Variants in GNAT3 observed in about 807,000 individuals in gnomAD.
GNAT3 encodes the protein G protein subunit alpha transducin 3.
GNAT3 carries 31 observed loss-of-function variants against 37.7 expected under a neutral mutation model. The observed-to-expected ratio is 0.82, with a 90% CI of 0.62 to 1.11. The LOEUF is 1.11. GNAT3 is among the 50% of genes most tolerant of loss of function. GNAT3 has a pLI of 0.00. For missense variants in GNAT3, 437 were observed against 412.5 expected, an observed-to-expected ratio of 1.06 and a Z score of -0.51; for synonymous variants, 138 against 139.8, an observed-to-expected ratio of 0.99 and a Z score of 0.09.
chr7:80,486,087 T>C (rs1790473340), intron 3 of GNAT3, among the ~76,000 whole-genome samples: 1 of 152,214 alleles, frequency 6.6e-6, no homozygotes, highest in Admixed American at 6.5e-5. Context: ...GTAGGTAGTG[T>C]TTAGCAATCA....
chr7:80,493,542 C>T (rs1249298804), intron 2 of GNAT3, among the ~76,000 whole-genome samples: 2 of 152,176 alleles, frequency 1.3e-5, no homozygotes, highest in African/African-American at 2.4e-5. Context: ...GAACAAGATC[C>T]TTTAACATAT....
chr7:80,458,996 T>C (rs2074675), intron 7 of GNAT3, 135 bp from the exon 8 acceptor site: 189,758 of 613,190 alleles, frequency 0.31, 32,793 homozygotes, highest in East Asian at 0.63. Flanking sequence ...CAACGGTCAA[T>C]TATCAGGGTG....
intron 1 of GNAT3, among the ~76,000 whole-genome samples, chr7:80,502,432 C>T (rs933140603): frequency 1.3e-5 from 2 of 151,908 alleles, no homozygotes; most frequent in Admixed American, 6.6e-5. Flanking sequence ...TGATTTTTCC[C>T]ACACAGGTCT....
intron 1 of GNAT3, among the ~76,000 whole-genome samples, chr7:80,505,632 C>T (rs540911533): frequency 2.6e-5 from 4 of 152,272 alleles, no homozygotes; most frequent in African/African-American, 7.2e-5. Flanking sequence ...TCCCAAAGTG[C>T]TGGGATTACA....
chr7:80,482,411 T>C (rs566032795), intron 3 of GNAT3, among the ~76,000 whole-genome samples: 70 of 152,292 alleles, frequency 4.6e-4, no homozygotes, highest in African/African-American at 1.5e-3. Context: ...CTTGTCAGCA[T>C]AGCTTTACAA....
chr7:80,471,316 C>T (rs1198078595), intron 5 of GNAT3, among the ~76,000 whole-genome samples: 2 of 151,586 alleles, frequency 1.3e-5, no homozygotes, highest in Non-Finnish European at 2.9e-5. Flanking sequence ...CCTTTGGTAA[C>T]ACCCTCAGAG....
At chr7:80,463,552 G>A (rs1417821424) in intron 5 of GNAT3, among the ~76,000 whole-genome samples, 1 of 151,764 alleles carries the variant, frequency 6.6e-6, no homozygotes, top group East Asian at 1.9e-4. Context: ...CTCCTGGAGC[G>A]TCCATTTAAA....
intron 3 of GNAT3, among the ~76,000 whole-genome samples, chr7:80,483,467 G>A (rs769302680): frequency 4.0e-5 from 6 of 151,566 alleles, no homozygotes; most frequent in Non-Finnish European, 8.8e-5. Flanking sequence ...TCCTCATAAC[G>A]GCCAAACTGA....
intron 5 of GNAT3, among the ~76,000 whole-genome samples, chr7:80,463,418 G>T (rs1467168708): frequency 6.6e-6 from 1 of 152,062 alleles, no homozygotes; most frequent in African/African-American, 2.4e-5. Flanking sequence ...AATGTTTGCT[G>T]CCTCAGGGCT....
rs756020945 is a variant in GNAT3, at chr7:80,511,843, C to T, written c.84G>A (p.Glu28=). The stretch of plus-strand genomic sequence containing the variant: ...GCAGCTTTACGGTTCTTGCATCTCG[C>T]TCAGCATCCTCCTGAAGCTTTTTCT... ...ELEKKLQEDA[E]RDARTVKLLL... Residue 28 remains glutamate (E), a synonymous_variant, in exon 1 of 8, where the codon GAG becomes GAA. Transcript: ENST00000398291. 1 of 1,612,010 alleles carries T rather than the reference C, an allele frequency of 6.2e-7. No homozygotes were observed. The highest frequency in any genetic ancestry group is 1.7e-5 in the Admixed American group (1 of 59,780).
At chr7:80,488,933 T>A (rs1584185457) in intron 2 of GNAT3, among the ~76,000 whole-genome samples, 3 of 152,160 alleles carry the variant, frequency 2.0e-5, no homozygotes, top group African/African-American at 7.2e-5. Flanking sequence ...AATACTTTTT[T>A]AAAATGGGTA....
At chr7:80,493,156 G>T (rs924709232) in intron 2 of GNAT3, among the ~76,000 whole-genome samples, 1 of 151,732 alleles carries the variant, frequency 6.6e-6, no homozygotes, top group Admixed American at 6.6e-5. Context: ...CCAAATAATT[G>T]GTCTTTTTTT....
At chr7:80,497,650 G>A (rs562164496) in intron 1 of GNAT3, among the ~76,000 whole-genome samples, 2 of 107,540 alleles carry the variant, frequency 1.9e-5, no homozygotes, top group African/African-American at 4.9e-5. Context: ...ATACATATAC[G>A]TATATACATA....
chr7:80,467,995 T>A (rs1790153382), intron 5 of GNAT3, among the ~76,000 whole-genome samples: 2 of 152,014 alleles, frequency 1.3e-5, no homozygotes, highest in African/African-American at 2.4e-5. Context: ...AGTCTGACAC[T>A]TGATGGACTT....
chr7:80,479,888 C>T (rs1790364540), intron 3 of GNAT3, among the ~76,000 whole-genome samples: 1 of 151,976 alleles, frequency 6.6e-6, no homozygotes, highest in Non-Finnish European at 1.5e-5. Context: ...TCCCTGTAGG[C>T]ATTGTTGATT....
intron 1 of GNAT3, among the ~76,000 whole-genome samples, chr7:80,501,481 TATTA>T (rs1790833564): frequency 6.6e-6 from 1 of 152,026 alleles, no homozygotes; most frequent in South Asian, 2.1e-4. Context: ...AGAAAATTTA[TATTA>T]ATTCTAAATG....
intron 7 of GNAT3, among the ~76,000 whole-genome samples, chr7:80,460,593 C>T (rs1349428319): frequency 6.6e-6 from 1 of 151,952 alleles, no homozygotes; most frequent in Non-Finnish European, 1.5e-5. Flanking sequence ...ACTAAAAGTA[C>T]AATAATTAGC....
At chr7:80,485,190 T>C (rs890511256) in intron 3 of GNAT3, among the ~76,000 whole-genome samples, 3 of 151,556 alleles carry the variant, frequency 2.0e-5, no homozygotes, top group African/African-American at 7.3e-5. Context: ...TTTAACACTC[T>C]TCCCTAGACT....
In GNAT3 at chr7:80,494,187, C is replaced by A. The variant is rs149403286; in HGVS notation, c.161+418G>T. On this transcript the variant is annotated intron_variant, in intron 2 of 7. Transcript: ENST00000398291. ...GAGAAACAAATGCAAAAATACATCACAATTCATGATAGTAATTAAGCATTT... is the reference window on the plus strand; with the variant it reads ...GAGAAACAAATGCAAAAATACATCAAAATTCATGATAGTAATTAAGCATTT... Among the ~76,000 whole-genome samples the A allele has an allele frequency of 6.7e-3, 1,016 of 152,214 alleles. 9 individuals carry two copies. The highest frequency in any genetic ancestry group is 0.023 in the African/African-American group (950 of 41,536).
Sources: gnomAD v4.1 joint callset for allele counts (sites outside exome capture counted in the v4.1 genomes callset) on GRCh38, gnomAD v4.1.1 for gene constraint, MANE v1.5 for transcripts, NCBI Gene and HGNC (gene_info 2026-07-23, HGNC 2026-07-21) for gene names.